The following TTC29 variants were observed in gnomAD, a reference collection of about 807,000 sequenced individuals.
TTC29 encodes the protein tetratricopeptide repeat domain 29.
A neutral mutation model predicts 58.1 loss-of-function variants in TTC29; 49 were observed. The observed-to-expected ratio is 0.84, with a 90% CI of 0.67 to 1.07. The LOEUF is 1.07. Among genes scored for constraint, TTC29 ranks in the 50% least tolerant of loss-of-function variants. TTC29 has a pLI of 0.00. For missense variants in TTC29, 582 were observed against 555.6 expected, an observed-to-expected ratio of 1.05 and a Z score of -0.48; for synonymous variants, 209 against 196.8, an observed-to-expected ratio of 1.06 and a Z score of -0.52.
At chr4:146,843,749 T>G (rs1021709418) in intron 8 of TTC29, among the ~76,000 whole-genome samples, 1 of 152,200 alleles carries the variant, frequency 6.6e-6, no homozygotes, top group Non-Finnish European at 1.5e-5. Context: ...TCCTAATTGT[T>G]TTCAATAATT....
intron 10 of TTC29, among the ~76,000 whole-genome samples, chr4:146,818,322 C>T (rs1175927442): frequency 1.3e-5 from 2 of 152,174 alleles, no homozygotes; most frequent in African/African-American, 4.8e-5. Flanking sequence ...AGCCAAAATA[C>T]ACATGAGAAA....
chr4:146,765,850 T>C (rs1170707536), intron 11 of TTC29, among the ~76,000 whole-genome samples: 1 of 152,090 alleles, frequency 6.6e-6, no homozygotes, highest in African/African-American at 2.4e-5. Context: ...ATTCAAAGGA[T>C]ATAAATCAAC....
rs367836405 is a variant in TTC29 at position 146,874,847 on chromosome 4, C to T, written c.668G>A (p.Arg223His). The T allele has an allele frequency of 4.3e-6, 7 of 1,612,950 alleles. No individual in the cohort carries two copies. The highest frequency in any genetic ancestry group is 2.2e-5 in the East Asian group (1 of 44,758). ...CTCACAGGCCAACAAGTTGAGAGAG[C>T]GGCCTGTCTCATCCTTCCATATCCG... is the stretch of plus-strand genomic sequence containing the variant. ...QGRIWKDETG[R>H]SLNLLACESL... is the part of the protein sequence containing the mutation. Residue 223 changes from arginine to histidine, a missense_variant, in exon 7 of 13, where the codon CGC (arginine) becomes CAC (histidine). Physicochemically the swap from Arg to His is conservative, Grantham distance 29. Transcript: ENST00000325106.
intron 11 of TTC29, among the ~76,000 whole-genome samples, chr4:146,780,471 T>C (rs1748510498): frequency 6.6e-6 from 1 of 151,998 alleles, no homozygotes; most frequent in Non-Finnish European, 1.5e-5. Context: ...TTTGAGGCCA[T>C]CAATTTCCAA....
chr4:146,887,760 T>C (rs1354617592), intron 6 of TTC29, among the ~76,000 whole-genome samples: 1 of 152,144 alleles, frequency 6.6e-6, no homozygotes, highest in Non-Finnish European at 1.5e-5. Context: ...TAGGTTTTCC[T>C]GACCCTTAGT....
At chr4:146,773,578 A>G (rs1747878433) in intron 11 of TTC29, among the ~76,000 whole-genome samples, 1 of 152,052 alleles carries the variant, frequency 6.6e-6, no homozygotes, top group African/African-American at 2.4e-5. Flanking sequence ...CTACTTGATC[A>G]TAGGCTCTAA....
chr4:146,940,895 T>C (rs1333102036), intron 2 of TTC29, among the ~76,000 whole-genome samples: 1 of 152,208 alleles, frequency 6.6e-6, no homozygotes, highest in Admixed American at 6.5e-5. Context: ...TTCACCCAGA[T>C]TCAAGGCAAA....
At chr4:146,777,359 C>T (rs1324778894) in intron 11 of TTC29, among the ~76,000 whole-genome samples, 1 of 151,992 alleles carries the variant, frequency 6.6e-6, no homozygotes, top group African/African-American at 2.4e-5. Flanking sequence ...AGGACTAGAC[C>T]CCAACTGGTT....
chr4:146,779,345 G>A (rs926360918), intron 11 of TTC29, among the ~76,000 whole-genome samples: 8 of 151,956 alleles, frequency 5.3e-5, no homozygotes, highest in Non-Finnish European at 1.0e-4. Flanking sequence ...TCCAAATGAT[G>A]TATAATGTTA....
chr4:146,832,324 T>C (rs1411708758), intron 9 of TTC29, among the ~76,000 whole-genome samples: 1 of 152,152 alleles, frequency 6.6e-6, no homozygotes, highest in Non-Finnish European at 1.5e-5. Flanking sequence ...CTGTGTCTTC[T>C]GGGTTGTTGT....
chr4:146,869,771 A>G (rs1730808233), intron 7 of TTC29, among the ~76,000 whole-genome samples: 1 of 152,140 alleles, frequency 6.6e-6, no homozygotes, highest in Admixed American at 6.6e-5. Context: ...GTTTGGAAAC[A>G]CCAAATATTA....
intron 8 of TTC29, among the ~76,000 whole-genome samples, chr4:146,851,245 A>G (rs777331341): frequency 1.3e-4 from 20 of 152,206 alleles, no homozygotes; most frequent in Non-Finnish European, 2.2e-4. Flanking sequence ...TATAACTTAG[A>G]TGCTAGAGTA....
intron 9 of TTC29, among the ~76,000 whole-genome samples, chr4:146,829,738 A>T (rs913843345): frequency 2.0e-5 from 3 of 152,186 alleles, no homozygotes; most frequent in Non-Finnish European, 4.4e-5. Flanking sequence ...TGATTTAAAG[A>T]TCTCCATTGT....
At chr4:146,890,850 T>C (rs930730034) in intron 6 of TTC29, among the ~76,000 whole-genome samples, 2 of 152,164 alleles carry the variant, frequency 1.3e-5, no homozygotes, top group Non-Finnish European at 2.9e-5. Context: ...TTCTGTTTTT[T>C]GTTTTTTGCT....
intron 6 of TTC29, among the ~76,000 whole-genome samples, chr4:146,877,948 A>T (rs1387493297): frequency 6.6e-6 from 1 of 152,190 alleles, no homozygotes; most frequent in African/African-American, 2.4e-5. Flanking sequence ...AGGAGGGTCA[A>T]GTAGGAAAAG....
intron 11 of TTC29, among the ~76,000 whole-genome samples, chr4:146,722,484 A>G (rs1363581130): frequency 6.6e-6 from 1 of 152,172 alleles, no homozygotes; most frequent in Admixed American, 6.5e-5. Context: ...CACATAGACC[A>G]ATGGAACAGA....
chr4:146,765,802 C>T (rs189144821), intron 11 of TTC29, among the ~76,000 whole-genome samples: 105 of 152,232 alleles, frequency 6.9e-4, no homozygotes, highest in African/African-American at 2.3e-3. Flanking sequence ...TACTCTATGA[C>T]TGATTTTTTT....
At chr4:146,783,277 C>T (rs562281211) in intron 11 of TTC29, among the ~76,000 whole-genome samples, 18 of 151,834 alleles carry the variant, frequency 1.2e-4, no homozygotes, top group Admixed American at 8.5e-4. Flanking sequence ...TACTCACAAA[C>T]CTCCTTTCTC....
intron 11 of TTC29, among the ~76,000 whole-genome samples, chr4:146,761,871 CGTT>C (rs1746935492): frequency 2.0e-5 from 3 of 151,626 alleles, no homozygotes; most frequent in South Asian, 2.1e-4. Context: ...ATTTGAGAAA[CGTT>C]GTAAGAATTC....
Sources: allele counts gnomAD v4.1 joint callset (sites outside exome capture counted in the v4.1 genomes callset), GRCh38; gene constraint gnomAD v4.1.1; transcripts MANE v1.5; gene names NCBI Gene and HGNC (gene_info 2026-07-23, HGNC 2026-07-21).